BAZ2A: variants seen among roughly 807,000 people sequenced by gnomAD.
The protein encoded by BAZ2A is bromodomain adjacent to zinc finger domain protein 2A.
Under a neutral mutation model 199.9 loss-of-function variants are expected in BAZ2A, and 34 were observed. The ratio of observed to expected loss-of-function variants is 0.17; its 90% CI spans 0.13 to 0.23. BAZ2A has a LOEUF of 0.23. BAZ2A is among the 10% of genes least tolerant of loss of function. The pLI is 1.00. For missense variants in BAZ2A, 2,002 were observed against 2,391.1 expected (o/e 0.84, Z 3.39); for synonymous variants, 857 against 883.9 (o/e 0.97, Z 0.54).
intron 10 of BAZ2A, among the ~76,000 whole-genome samples, chr12:56,606,949 C>T (rs901741940): frequency 2.0e-5 from 3 of 151,352 alleles, no homozygotes; most frequent in Admixed American, 6.6e-5. Flanking sequence ...ACTCAAATGA[C>T]ATCTCCTGCC....
Position 56,597,600 on chromosome 12 carries a change from GAC to G in BAZ2A, c.*1016_*1017del, listed in dbSNP as rs781134279. 0.036 allele frequency: 2,943 copies of G among 81,072 alleles called. 105 individuals are homozygous for G. Among genetic ancestry groups the G allele is most frequent in the African/African-American group, 0.086 (2,476 of 28,672 alleles). The allele number at this position is 81,072 out of a possible 1,614,324, so 5.0% of individuals were successfully genotyped here. ...CACACACAGCGCGCGCTCTGAGGCT[GAC>G]ACACACACACACACACACAGCGCGC... On this transcript the variant is annotated 3_prime_UTR_variant, in exon 29 of 29. Transcript: ENST00000549884.
At position 56,615,230 on chromosome 12, in the gene BAZ2A, G is replaced by T. The variant is rs1565826120; in HGVS notation, c.514C>A (p.Gln172Lys). 6.2e-7 allele frequency: 1 copy of T among 1,613,898 alleles called. No homozygotes were observed. ...SQELYDSFPD[Q>K]NFEVMPNGPP... ...CCATTGGGCATCACCTCAAAATTCT[G>T]GTCAGGAAAGGAATCATACAGTTCT... The change falls in exon 3 of 29, where the codon CAG (glutamine) becomes AAG (lysine). Residue 172 changes from glutamine (Q) to lysine (K), a missense_variant. Coordinates refer to ENST00000549884, the MANE Select transcript of BAZ2A (RefSeq NM_001300905.2).
Position 56,598,376 on chromosome 12 carries a change from T to C in BAZ2A, c.*242A>G. The C allele has an allele frequency of 2.4e-6, 1 of 424,638 alleles. No homozygotes were observed. Among genetic ancestry groups the C allele is most frequent in the South Asian group, 5.8e-5 (1 of 17,264 alleles). 26.3% of individuals were successfully genotyped at this position (424,638 alleles called of 1,614,324 possible). A position where few individuals can be genotyped will look rare whatever the true frequency, so the allele number is the denominator to read the frequency against. Reference sequence around the variant, plus strand: ...AAGAAAAATTATTTTTTTCTTTCTTTTTTTGGCTTTTAGTCCAGAAGGACC... The same window carrying C: ...AAGAAAAATTATTTTTTTCTTTCTTCTTTTGGCTTTTAGTCCAGAAGGACC... On this transcript the variant is annotated 3_prime_UTR_variant, in exon 29 of 29. Coordinates refer to ENST00000549884, the MANE Select transcript of BAZ2A (RefSeq NM_001300905.2).
At chr12:56,630,465 C>T (rs953568218), upstream of BAZ2A, 1 of 210,642 alleles carries the variant, frequency 4.7e-6, no homozygotes, top group African/African-American at 2.4e-5. Flanking sequence ...CCTCCTGCAA[C>T]TCTGGCCACC....
exon 1 of BAZ2A, chr12:56,636,364 C>A: frequency 1.4e-6 from 2 of 1,412,728 alleles, no homozygotes; most frequent in Non-Finnish European, 9.3e-7. Context: ...AGGGTGATGT[C>A]CCTGTGTGAC....
chr12:56,617,753 T>C (rs1231138893), intron 1 of BAZ2A, among the ~76,000 whole-genome samples: 2 of 152,204 alleles, frequency 1.3e-5, no homozygotes, highest in East Asian at 1.9e-4. Context: ...GCCAGCTTTG[T>C]AGATTAAAAA....
At position 56,601,397 on chromosome 12, in the gene BAZ2A, A is replaced by G. The variant is rs533877892; in HGVS notation, c.4077T>C (p.Asn1359=). Residue 1359 remains asparagine, a synonymous_variant, in exon 21 of 29, where the codon AAT becomes AAC. Coordinates refer to ENST00000549884, the MANE Select transcript of BAZ2A (RefSeq NM_001300905.2). ...PQQLASSKPM[N]RPSAANPCSP... is the part of the protein sequence containing the mutation. The stretch of plus-strand genomic sequence containing the variant: ...AACAAGGGTTGGCAGCACTAGGTCT[A>G]TTCATCTGTGAATAAAATGAGACAT... The G allele has an allele frequency of 1.9e-6, 3 of 1,612,966 alleles. No individual in the cohort carries two copies. The South Asian group carries it at 3.3e-5, about 18-fold the overall frequency.
intron 3 of BAZ2A, chr12:56,614,445 G>C (rs1410262803): frequency 1.3e-5 from 4 of 310,444 alleles, no homozygotes; most frequent in African/African-American, 8.4e-5. Flanking sequence ...CAGAGTGGTG[G>C]TTACCCTTGT....
chr12:56,606,662 C>G lies in BAZ2A; in HGVS notation c.2164G>C (p.Gly722Arg), dbSNP rs770831967. 3.7e-6 allele frequency: 6 copies of G among 1,613,896 alleles called. No individual in the cohort carries two copies. The South Asian group carries it at 6.6e-5, about 18-fold the overall frequency. Residue 722 changes from glycine to arginine, a missense_variant, in exon 11 of 29, where the codon GGA becomes CGA. Physicochemically the swap from Gly to Arg is moderately radical, Grantham distance 125. Coordinates refer to ENST00000549884, the MANE Select transcript of BAZ2A (RefSeq NM_001300905.2). The part of the protein sequence containing the change: ...KKKMRQKVQR[G>R]ECQTTIQGQA... ...CCTTGGATAGTAGTCTGACACTCTCCCCGTTGAACCTTCTGCCTCATCTTC... is the reference window on the plus strand; with the variant it reads ...CCTTGGATAGTAGTCTGACACTCTCGCCGTTGAACCTTCTGCCTCATCTTC...
intron 19 of BAZ2A, among the ~76,000 whole-genome samples, chr12:56,602,430 C>T (rs185236932): frequency 1.2e-3 from 182 of 152,302 alleles, no homozygotes; most frequent in African/African-American, 4.3e-3. Context: ...GAAACAACTA[C>T]GGGTTAAGTA....
At chr12:56,633,458 C>A (rs776222212), upstream of BAZ2A, among the ~76,000 whole-genome samples, 6 of 152,118 alleles carry the variant, frequency 3.9e-5, no homozygotes, top group Non-Finnish European at 7.4e-5. Context: ...AAGAGCATAG[C>A]TAGGGGCGCA....
At chr12:56,614,804 G>C in intron 3 of BAZ2A, 1 of 615,276 alleles carries the variant, frequency 1.6e-6, no homozygotes, top group South Asian at 1.9e-5. Flanking sequence ...CTCTGCATGA[G>C]CTTGAAATAA....
upstream of BAZ2A, among the ~76,000 whole-genome samples, chr12:56,633,380 C>T (rs1034779354): frequency 6.6e-6 from 1 of 152,172 alleles, no homozygotes; most frequent in Admixed American, 6.5e-5. Context: ...CCAAACATGA[C>T]TTAGAAGAGT....
In BAZ2A at chr12:56,614,137, T is replaced by C. The variant is rs374277914; in HGVS notation, c.732A>G (p.Glu244=). 11 of 1,613,100 alleles carry C rather than the reference T, an allele frequency of 6.8e-6. No individual in the cohort carries two copies. The African/African-American group carries it at 1.5e-4, about 22-fold the overall frequency. ...GSLELEEEQP[E]LKMCGYNGSV... The stretch of plus-strand genomic sequence containing the variant: ...AGCCATTGTAGCCACACATCTTCAG[T>C]TCTAGGAAATCACAGGAGAGACCAA... The change falls in exon 4 of 29, where the codon GAA becomes GAG. Residue 244 remains glutamate, a splice_region_variant and synonymous_variant. Coordinates refer to ENST00000549884, the MANE Select transcript of BAZ2A (RefSeq NM_001300905.2).
chr12:56,614,157 G>A lies in BAZ2A; in HGVS notation c.731-19C>T, dbSNP rs780134806. 1 of 1,607,124 alleles carries A rather than the reference G, an allele frequency of 6.2e-7. No individual in the cohort carries two copies. Among genetic ancestry groups the A allele is most frequent in the Non-Finnish European group, 8.5e-7 (1 of 1,174,540 alleles). On this transcript the variant is annotated intron_variant, in intron 3 of 28. Coordinates refer to ENST00000549884, the MANE Select transcript of BAZ2A (RefSeq NM_001300905.2). Reference sequence around the variant, plus strand: ...TTCAGTTCTAGGAAATCACAGGAGAGACCAAAAGTCAAAATCAGTGCCTTA... The same window carrying A: ...TTCAGTTCTAGGAAATCACAGGAGAAACCAAAAGTCAAAATCAGTGCCTTA...
At position 56,606,664 on chromosome 12, in the gene BAZ2A, C is replaced by T. The variant is rs1950365882; in HGVS notation, c.2162G>A (p.Arg721Gln). The change falls in exon 11 of 29, where the codon CGG (arginine) becomes CAG (glutamine). Residue 721 changes from arginine to glutamine, a missense_variant. This residue lies in a region of BAZ2A where 1,081 missense variants were observed against 1,274.7 expected (regional missense o/e 0.85). Coordinates refer to ENST00000549884, the MANE Select transcript of BAZ2A (RefSeq NM_001300905.2). ...SKKKMRQKVQ[R>Q]GECQTTIQGQ... ...TTGGATAGTAGTCTGACACTCTCCC[C>T]GTTGAACCTTCTGCCTCATCTTCTT... 8.1e-6 allele frequency: 13 copies of T among 1,613,902 alleles called. No individual in the cohort carries two copies. Among genetic ancestry groups the T allele is most frequent in the Non-Finnish European group, 9.3e-6 (11 of 1,179,856 alleles).
In BAZ2A at chr12:56,615,352, G is replaced by T. The variant is rs1200286582; in HGVS notation, c.392C>A (p.Pro131His). 1.9e-6 allele frequency: 3 copies of T among 1,613,734 alleles called. No individual in the cohort carries two copies. The highest frequency in any genetic ancestry group is 4.5e-5 in the East Asian group (2 of 44,872). The change falls in exon 3 of 29, where the codon CCT becomes CAT. Residue 131 changes from proline (P) to histidine (H), a missense_variant. Pro to His is a moderately conservative substitution (Grantham distance 77). This residue lies in a region of BAZ2A where 641 missense variants were observed against 694.5 expected (regional missense o/e 0.92). Transcript: ENST00000549884. The stretch of plus-strand genomic sequence containing the variant: ...GTTAGTGTTATGACTTGGGGATGAA[G>T]GTTGCCGGCTGCCCCCAAGGATGCC... ...LNGILGGSRQ[P>H]SSPSHNTNLR...
chr12:56,631,178 C>A (rs557157339), upstream of BAZ2A, among the ~76,000 whole-genome samples: 1 of 152,088 alleles, frequency 6.6e-6, no homozygotes, highest in African/African-American at 2.4e-5. Flanking sequence ...TCAGGCCGGA[C>A]GCGGTGGCTC....
intron 1 of BAZ2A, among the ~76,000 whole-genome samples, chr12:56,620,676 C>T (rs1453566982): frequency 6.6e-6 from 1 of 151,892 alleles, no homozygotes; most frequent in Non-Finnish European, 1.5e-5. Context: ...TCTCCTGCCT[C>T]AGCCTCCCCA....
Sources: allele counts gnomAD v4.1 joint callset (sites outside exome capture counted in the v4.1 genomes callset), GRCh38; gene constraint gnomAD v4.1.1; regional missense constraint gnomAD v4.1.1; transcripts MANE v1.5; gene names NCBI Gene and HGNC (gene_info 2026-07-23, HGNC 2026-07-21).